The following PTPRD variants were observed in gnomAD, a reference collection of about 807,000 sequenced individuals.
The protein encoded by PTPRD is protein tyrosine phosphatase receptor type D, also known as receptor-type tyrosine-protein phosphatase delta.
PTPRD carries 34 observed loss-of-function variants against 214.5 expected under a neutral mutation model. That is an observed-to-expected ratio of 0.16 (90% CI 0.12 to 0.21). The LOEUF (loss-of-function observed/expected upper bound fraction) is 0.21, where lower values mean the gene tolerates loss of function less well. Ranked by LOEUF, PTPRD falls within the 10% of genes least tolerant of loss-of-function variation. PTPRD has a pLI of 1.00. For synonymous variants in PTPRD, 1,128 were observed against 845.7 expected, an observed-to-expected ratio of 1.33 and a Z score of -5.79; for missense variants, 2,545 against 2,398.7, an observed-to-expected ratio of 1.06 and a Z score of -1.27.
chr9:8,569,356 T>C (rs2090425986), intron 14 of PTPRD, among the ~76,000 whole-genome samples: 1 of 152,156 alleles, frequency 6.6e-6, no homozygotes, highest in African/African-American at 2.4e-5. Context: ...CTGCTTGAAA[T>C]TATGAATGCA....
At chr9:9,231,302 T>C (rs965788845) in intron 9 of PTPRD, among the ~76,000 whole-genome samples, 7 of 152,194 alleles carry the variant, frequency 4.6e-5, no homozygotes, top group African/African-American at 1.7e-4. Flanking sequence ...ATTGGCATTC[T>C]TAACTCTTTG....
chr9:8,393,768 A>G (rs575815786), intron 36 of PTPRD, among the ~76,000 whole-genome samples: 1 of 152,264 alleles, frequency 6.6e-6, no homozygotes, highest in South Asian at 2.1e-4. Flanking sequence ...AATCTTACAC[A>G]TGAGAAACCT....
chr9:8,788,253 A>ATTTTTTTTTTTTTTT (rs776984034), intron 11 of PTPRD, among the ~76,000 whole-genome samples: 1 of 85,264 alleles, frequency 1.2e-5, no homozygotes, highest in Non-Finnish European at 2.1e-5. Context: ...ATATAAGATG[A>ATTTTTTTTTTTTTTT]TTTTTTTTTT....
intron 11 of PTPRD, among the ~76,000 whole-genome samples, chr9:8,755,671 A>G (rs985391186): frequency 6.6e-6 from 1 of 152,234 alleles, no homozygotes; most frequent in Non-Finnish European, 1.5e-5. Flanking sequence ...TGCTGAGAAA[A>G]TATAGCTTTT....
At chr9:9,706,740 T>C (rs2097621065) in intron 7 of PTPRD, among the ~76,000 whole-genome samples, 1 of 152,058 alleles carries the variant, frequency 6.6e-6, no homozygotes. Flanking sequence ...ATGCCTGGCC[T>C]ACTAACTCTT....
intron 11 of PTPRD, among the ~76,000 whole-genome samples, chr9:8,879,299 G>A (rs1014593413): frequency 6.6e-6 from 1 of 152,152 alleles, no homozygotes; most frequent in African/African-American, 2.4e-5. Context: ...AAATAAATGT[G>A]CTGAGCATTA....
chr9:9,089,403 G>C (rs192141972), intron 10 of PTPRD, among the ~76,000 whole-genome samples: 1 of 152,290 alleles, frequency 6.6e-6, no homozygotes, highest in East Asian at 1.9e-4. Flanking sequence ...TGAGTATGTA[G>C]CTGGGACAAT....
At chr9:10,301,662 A>G (rs1255344371) in intron 3 of PTPRD, among the ~76,000 whole-genome samples, 2 of 152,190 alleles carry the variant, frequency 1.3e-5, no homozygotes, top group East Asian at 3.9e-4. Flanking sequence ...GGGGAAAAAA[A>G]GGATATCAGA....
intron 6 of PTPRD, among the ~76,000 whole-genome samples, chr9:9,739,167 A>G (rs1596401985): frequency 6.6e-6 from 1 of 152,198 alleles, no homozygotes; most frequent in South Asian, 2.1e-4. Context: ...TCACGTGTAT[A>G]TGCACGTATA....
chr9:9,642,039 G>A (rs2095977847), intron 7 of PTPRD, among the ~76,000 whole-genome samples: 1 of 145,528 alleles, frequency 6.9e-6, no homozygotes, highest in African/African-American at 2.8e-5. Context: ...TGATAGACTG[G>A]ATTAAGAAAA....
At chr9:9,019,222 G>T (rs1012659155) in intron 10 of PTPRD, among the ~76,000 whole-genome samples, 1 of 149,638 alleles carries the variant, frequency 6.7e-6, no homozygotes, top group Non-Finnish European at 1.5e-5. Flanking sequence ...TTTTATTATA[G>T]AAAGACAGAA....
At chr9:9,464,412 A>C (rs751752897) in intron 8 of PTPRD, among the ~76,000 whole-genome samples, 2 of 152,164 alleles carry the variant, frequency 1.3e-5, no homozygotes, top group African/African-American at 4.8e-5. Context: ...AGTTACTATC[A>C]TTGCATTTTA....
chr9:8,565,908 T>C (rs2088850665), intron 14 of PTPRD, among the ~76,000 whole-genome samples: 1 of 152,142 alleles, frequency 6.6e-6, no homozygotes, highest in Admixed American at 6.5e-5. Context: ...ATGCTGTTTG[T>C]ATATAGAGAG....
At chr9:9,931,748 C>T (rs2086692868) in intron 5 of PTPRD, among the ~76,000 whole-genome samples, 2 of 151,886 alleles carry the variant, frequency 1.3e-5, no homozygotes, top group South Asian at 4.2e-4. Context: ...GCCTGCCTAC[C>T]TCTGTAGGCT....
At chr9:8,666,536 A>G (rs1596420326) in intron 12 of PTPRD, among the ~76,000 whole-genome samples, 1 of 152,208 alleles carries the variant, frequency 6.6e-6, no homozygotes, top group Non-Finnish European at 1.5e-5. Flanking sequence ...CTAGCAATAA[A>G]ATTGAAGCCA....
Position 9,128,785 on chromosome 9 carries a change from G to C in PTPRD, c.-143+54519C>G, listed in dbSNP as rs376299905. On this transcript the variant is annotated intron_variant, in intron 10 of 45. Coordinates refer to ENST00000381196, the MANE Select transcript of PTPRD (RefSeq NM_002839.4). Reference sequence around the variant, plus strand: ...ATTGTAGTTGCAGCTGTGTTCCTGTGGCTAACGCTGCCCACAGCAGAGCAG... The same window carrying C: ...ATTGTAGTTGCAGCTGTGTTCCTGTCGCTAACGCTGCCCACAGCAGAGCAG... 4.6e-5 allele frequency among the ~76,000 whole-genome samples: 7 copies of C among 152,230 alleles called. No individual in the cohort carries two copies. In the East Asian group the frequency reaches 9.7e-4, roughly 21 times the overall value.
intron 11 of PTPRD, among the ~76,000 whole-genome samples, chr9:8,835,702 T>A (rs559468569): frequency 6.6e-6 from 1 of 152,048 alleles, no homozygotes; most frequent in Non-Finnish European, 1.5e-5. Context: ...CTAATTTATT[T>A]TTACTTTTAT....
At chr9:8,323,145 A>G (rs1013519579) in intron 44 of PTPRD, among the ~76,000 whole-genome samples, 1 of 152,184 alleles carries the variant, frequency 6.6e-6, no homozygotes, top group Non-Finnish European at 1.5e-5. Context: ...AGCATGGTTG[A>G]CTGAACATTT....
At chr9:9,524,957 A>C (rs1306716741) in intron 8 of PTPRD, among the ~76,000 whole-genome samples, 1 of 152,136 alleles carries the variant, frequency 6.6e-6, no homozygotes, top group African/African-American at 2.4e-5. Flanking sequence ...TTCCAGGTTC[A>C]CGCCATTCTC....
Sources: allele counts gnomAD v4.1 joint callset (sites outside exome capture counted in the v4.1 genomes callset), GRCh38; gene constraint gnomAD v4.1.1; transcripts MANE v1.5; gene names NCBI Gene and HGNC (gene_info 2026-07-23, HGNC 2026-07-21).